The following ZRANB3 variants were observed in gnomAD, a reference collection of about 807,000 sequenced individuals.
ZRANB3 encodes zinc finger RANBP2-type containing 3.
Under a neutral mutation model 133.8 loss-of-function variants are expected in ZRANB3, and 125 were observed. That is an observed-to-expected ratio of 0.93 (90% confidence interval 0.81 to 1.08). The LOEUF (loss-of-function observed/expected upper bound fraction) is 1.08, where lower values mean the gene tolerates loss of function less well. Among genes scored for constraint, ZRANB3 ranks in the 50% least tolerant of loss-of-function variants. The probability of loss-of-function intolerance (pLI) is 0.00; values close to 1 mark genes in which losing one functional copy is unlikely to be tolerated. For missense variants in ZRANB3, 1,229 were observed against 1,275.5 expected (o/e 0.96, Z 0.56); for synonymous variants, 387 against 432.7 (o/e 0.89, Z 1.31).
At chr2:135,374,878 T>C (rs1686350751) in intron 3 of ZRANB3, among the ~76,000 whole-genome samples, 1 of 152,088 alleles carries the variant, frequency 6.6e-6, no homozygotes, top group East Asian at 1.9e-4. Context: ...AAAGAAACGA[T>C]TTAAACATGG....
At chr2:135,445,130 G>C (rs1261762372) in intron 2 of ZRANB3, among the ~76,000 whole-genome samples, 1 of 152,142 alleles carries the variant, frequency 6.6e-6, no homozygotes, top group African/African-American at 2.4e-5. Flanking sequence ...GAGTAGGCTG[G>C]TTTGGTTGCT....
chr2:135,233,717 A>G (rs1240921417), intron 12 of ZRANB3, among the ~76,000 whole-genome samples: 1 of 152,222 alleles, frequency 6.6e-6, no homozygotes, highest in African/African-American at 2.4e-5. Flanking sequence ...AAGGAGAAAT[A>G]AAATCCTTTA....
chr2:135,317,932 C>G (rs1683338663), intron 6 of ZRANB3, among the ~76,000 whole-genome samples: 1 of 152,016 alleles, frequency 6.6e-6, no homozygotes, highest in Admixed American at 6.6e-5. Flanking sequence ...AACACATTTG[C>G]CAAAACCCCA....
rs1021931403 is a variant in ZRANB3, at chr2:135,406,934, C to T, written c.162-16114G>A. Among the ~76,000 whole-genome samples, 6 of 152,146 alleles carry T rather than the reference C, an allele frequency of 3.9e-5. No individual in the cohort carries two copies. In the East Asian group the frequency reaches 7.7e-4, roughly 20 times the overall value. On this transcript the variant is annotated intron_variant, in intron 2 of 20. Transcript: ENST00000264159. Reference sequence around the variant, plus strand: ...CACAAGACAGGGATGCCCTCTCTCACCACTCCTATTCAACATAGTGTTGGA... The same window carrying T: ...CACAAGACAGGGATGCCCTCTCTCATCACTCCTATTCAACATAGTGTTGGA...
chr2:135,295,899 A>G (rs867462281), intron 8 of ZRANB3, among the ~76,000 whole-genome samples: 3 of 152,208 alleles, frequency 2.0e-5, no homozygotes, highest in African/African-American at 7.2e-5. Flanking sequence ...AATGTTGAAT[A>G]TTGGCCCCCA....
At chr2:135,204,828 A>G (rs1049614454) in intron 19 of ZRANB3, among the ~76,000 whole-genome samples, 12 of 149,298 alleles carry the variant, frequency 8.0e-5, no homozygotes, top group African/African-American at 3.0e-4. Context: ...GTCCTACCCA[A>G]TTCGAGCCTA....
intron 2 of ZRANB3, among the ~76,000 whole-genome samples, chr2:135,481,003 C>A (rs1414503609): frequency 6.6e-6 from 1 of 151,524 alleles, no homozygotes; most frequent in African/African-American, 2.4e-5. Flanking sequence ...TTTTCTTAAT[C>A]CAGTCTATCA....
At chr2:135,210,080 TTTTTA>T (rs1694034338) in intron 17 of ZRANB3, among the ~76,000 whole-genome samples, 1 of 152,122 alleles carries the variant, frequency 6.6e-6, no homozygotes, top group Non-Finnish European at 1.5e-5. Flanking sequence ...GGCAGTTTTG[TTTTTA>T]TTTTATTTTG....
chr2:135,419,404 G>T (rs775455946), intron 2 of ZRANB3, among the ~76,000 whole-genome samples: 69 of 152,180 alleles, frequency 4.5e-4, no homozygotes, highest in Non-Finnish European at 8.5e-4. Flanking sequence ...GTGTGTGTGT[G>T]TGTGTACAGA....
chr2:135,308,044 G>A (rs942178793), intron 8 of ZRANB3, among the ~76,000 whole-genome samples: 15 of 152,018 alleles, frequency 9.9e-5, no homozygotes, highest in South Asian at 4.2e-4. Context: ...GTGGGGGTTG[G>A]GGGACCTTTT....
intron 2 of ZRANB3, among the ~76,000 whole-genome samples, chr2:135,411,117 G>A (rs1688282190): frequency 6.6e-6 from 1 of 152,096 alleles, no homozygotes; most frequent in African/African-American, 2.4e-5. Context: ...GTGCACACCT[G>A]TAGTCACAGC....
At chr2:135,335,002 A>G (rs1328185313) in intron 6 of ZRANB3, among the ~76,000 whole-genome samples, 1 of 152,194 alleles carries the variant, frequency 6.6e-6, no homozygotes, top group East Asian at 1.9e-4. Context: ...AATGAGTGCC[A>G]TGTGGTTTGC....
At chr2:135,435,502 T>C (rs1574099834) in intron 2 of ZRANB3, among the ~76,000 whole-genome samples, 1 of 152,256 alleles carries the variant, frequency 6.6e-6, no homozygotes. Flanking sequence ...CTTCTGGGTA[T>C]ATACCCAGTA....
chr2:135,382,244 T>A (rs554148672), intron 3 of ZRANB3, among the ~76,000 whole-genome samples: 17 of 152,182 alleles, frequency 1.1e-4, no homozygotes, highest in African/African-American at 4.1e-4. Flanking sequence ...AGGGTATCAG[T>A]GATGGAAGAT....
At chr2:135,481,111 G>C (rs968872305) in intron 2 of ZRANB3, among the ~76,000 whole-genome samples, 2 of 151,706 alleles carry the variant, frequency 1.3e-5, no homozygotes, top group Admixed American at 6.6e-5. Flanking sequence ...ATGATTTATA[G>C]TCCTTTGGGT....
At chr2:135,299,134 G>A in intron 8 of ZRANB3, among the ~76,000 whole-genome samples, 1 of 152,144 alleles carries the variant, frequency 6.6e-6, no homozygotes, top group East Asian at 1.9e-4. Context: ...AGGTCGCAGG[G>A]TTAGTTGTGT....
intron 12 of ZRANB3, among the ~76,000 whole-genome samples, chr2:135,260,465 A>T (rs2105106147): frequency 6.6e-6 from 1 of 152,018 alleles, no homozygotes; most frequent in East Asian, 1.9e-4. Context: ...AAATACTGTA[A>T]TTTCTTAAAA....
intron 1 of ZRANB3, among the ~76,000 whole-genome samples, chr2:135,516,948 T>A (rs925308070): frequency 3.9e-5 from 6 of 152,150 alleles, no homozygotes; most frequent in African/African-American, 1.4e-4. Flanking sequence ...AGTCCCATAT[T>A]TCTTGGAGGC....
rs756223665 is a variant in ZRANB3, at chr2:135,219,168, T to C, written c.2261A>G (p.Gln754Arg). 5.9e-6 allele frequency: 9 copies of C among 1,526,480 alleles called. No homozygotes were observed. Among genetic ancestry groups the C allele is most frequent in the Middle Eastern group, 3.4e-4 (2 of 5,944 alleles). The allele number at this position is 1,526,480 out of a possible 1,614,324, so 94.6% of individuals were successfully genotyped here. ...CAGAGGAATGAAATTACAGCTCATC[T>C]GTTTTCCATCCTGATGATAGATTAG... ...RIHIYTKDGKQMSCNFIPLDI... is the reference protein window; with the variant it reads ...RIHIYTKDGKRMSCNFIPLDI... Residue 754 changes from glutamine to arginine, a missense_variant, in exon 16 of 21, where the codon CAG (glutamine) becomes CGG (arginine). Coordinates refer to ENST00000264159, the MANE Select transcript of ZRANB3 (RefSeq NM_032143.4).
Sources: gnomAD v4.1 joint callset for allele counts (sites outside exome capture counted in the v4.1 genomes callset) on GRCh38, gnomAD v4.1.1 for gene constraint, MANE v1.5 for transcripts, NCBI Gene and HGNC (gene_info 2026-07-23, HGNC 2026-07-21) for gene names.